AGO2: variants seen among roughly 807,000 people sequenced by gnomAD.
AGO2 encodes argonaute RISC catalytic component 2.
Under a neutral mutation model 102.3 loss-of-function variants are expected in AGO2, and 5 were observed. That is an observed-to-expected ratio of 0.05 (90% CI 0.03 to 0.10). AGO2 has a LOEUF of 0.10. Among genes scored for constraint, AGO2 ranks in the 10% least tolerant of loss-of-function variants. The pLI is 1.00. For missense variants in AGO2, 541 were observed against 1,183.7 expected (o/e 0.46, Z 7.97); for synonymous variants, 449 against 473.1 (o/e 0.95, Z 0.66).
chr8:140,572,570 G>C (rs751166359), intron 3 of AGO2: 1 of 437,996 alleles, frequency 2.3e-6, no homozygotes, highest in African/African-American at 2.0e-5. Context: ...AAAGTTTGGT[G>C]GTTTCAGCAA....
intron 1 of AGO2, among the ~76,000 whole-genome samples, chr8:140,615,078 G>A (rs903324375): frequency 3.3e-5 from 5 of 152,038 alleles, no homozygotes; most frequent in African/African-American, 9.7e-5. Context: ...CATTTAAAAC[G>A]TTCCACTTTT....
chr8:140,598,947 C>T (rs4961274), intron 1 of AGO2, among the ~76,000 whole-genome samples: 45,400 of 152,090 alleles, frequency 0.3, 7,065 homozygotes, highest in Admixed American at 0.39. Flanking sequence ...ATGACAGAAA[C>T]GCGACAACAG....
chr8:140,608,155 C>G (rs938725), intron 1 of AGO2, among the ~76,000 whole-genome samples: 121,822 of 152,048 alleles, frequency 0.8, 49,084 homozygotes, highest in Admixed American at 0.84. Context: ...TCTGGAGAAA[C>G]CAAAGCTGTT....
At chr8:140,601,052 C>T (rs1411992703) in intron 1 of AGO2, among the ~76,000 whole-genome samples, 1 of 152,244 alleles carries the variant, frequency 6.6e-6, no homozygotes, top group Non-Finnish European at 1.5e-5. Context: ...CCTACCAGGG[C>T]CCCCTGTGTC....
At position 140,522,506 on chromosome 8, in the gene AGO2, C is replaced by T. The variant is rs926644355; in HGVS notation, c.*9538G>A. ...CGCCCAAATCACACTCTCCATCAGCCACACAGAAATCTCAGACTGGAGGGG... is the reference window on the plus strand; with the variant it reads ...CGCCCAAATCACACTCTCCATCAGCTACACAGAAATCTCAGACTGGAGGGG... On this transcript the variant is annotated 3_prime_UTR_variant, in exon 19 of 19. Transcript: ENST00000220592. The T allele has an allele frequency of 6.8e-6, 1 of 147,010 alleles. No homozygotes were observed. The highest frequency in any genetic ancestry group is 2.5e-5 in the African/African-American group (1 of 39,484). The allele number at this position is 147,010 out of a possible 1,614,324, so 9.1% of individuals were successfully genotyped here.
chr8:140,602,855 T>A lies in AGO2; in HGVS notation c.23-17544A>T, dbSNP rs1406611956. Among the ~76,000 whole-genome samples, 3 of 151,992 alleles carry A rather than the reference T, an allele frequency of 2.0e-5. No homozygotes were observed. The East Asian group carries it at 5.8e-4, about 29-fold the overall frequency. On this transcript the variant is annotated intron_variant, in intron 1 of 18. Transcript: ENST00000220592. ...ATCAAGCAGACAAAATATCCAGGAG[T>A]GTTTGCTTCTTTGATCAATTTCCTT...
chr8:140,609,314 C>T (rs1251223801), intron 1 of AGO2, among the ~76,000 whole-genome samples: 1 of 152,216 alleles, frequency 6.6e-6, no homozygotes, highest in Non-Finnish European at 1.5e-5. Context: ...ATGGGCATCA[C>T]ACCCGGCAGA....
At chr8:140,598,825 G>C (rs2073887279) in intron 1 of AGO2, among the ~76,000 whole-genome samples, 1 of 152,202 alleles carries the variant, frequency 6.6e-6, no homozygotes, top group Non-Finnish European at 1.5e-5. Flanking sequence ...CTTCTCCAAA[G>C]TTTTCAGGGC....
Position 140,550,411 on chromosome 8 carries a change from C to T in AGO2, c.1403+892G>A, listed in dbSNP as rs549907437. Among the ~76,000 whole-genome samples the T allele has an allele frequency of 3.9e-4, 60 of 152,360 alleles. No homozygotes were observed. In the South Asian group the frequency reaches 9.5e-3, roughly 24 times the overall value. On this transcript the variant is annotated intron_variant, in intron 11 of 18. Transcript: ENST00000220592. ...TGCTCCCAACACAGTCCCGCTGGGC[C>T]CGTACCTGGCACGGCTGTGCTGGCC...
At chr8:140,547,394 A>G (rs1336883944) in intron 13 of AGO2, 74 bp downstream of exon 13, 2 of 1,561,036 alleles carry the variant, frequency 1.3e-6, no homozygotes, top group African/African-American at 2.7e-5. Context: ...TGCCCCCTGC[A>G]TACTGCACCC....
intron 1 of AGO2, among the ~76,000 whole-genome samples, chr8:140,629,912 CGAGGG>C: frequency 2.1e-5 from 1 of 46,814 alleles, no homozygotes; most frequent in East Asian, 5.5e-4. Flanking sequence ...GGAGCGGAGG[CGAGGG>C]GAGGGGAGCG....
chr8:140,572,688 G>A (rs990226698), intron 3 of AGO2, 124 bp downstream of exon 3: 3 of 1,365,776 alleles, frequency 2.2e-6, no homozygotes, highest in Middle Eastern at 2.7e-4. Context: ...ATGTGGCAGT[G>A]AACTGCTCTC....
chr8:140,553,105 A>T (rs951117676), intron 10 of AGO2, among the ~76,000 whole-genome samples: 5 of 152,340 alleles, frequency 3.3e-5, no homozygotes, highest in Admixed American at 3.3e-4. Flanking sequence ...TAACAGAAGC[A>T]TTACACGCTC....
At chr8:140,633,207 T>C (rs2074363310) in intron 1 of AGO2, among the ~76,000 whole-genome samples, 1 of 152,204 alleles carries the variant, frequency 6.6e-6, no homozygotes, top group African/African-American at 2.4e-5. Context: ...GAATGTCTTA[T>C]AATTCTAAAT....
chr8:140,606,794 G>A lies in AGO2; in HGVS notation c.23-21483C>T, dbSNP rs545076141. ...TCTACTAAAAATACAAAAATTAGCC[G>A]GTCGTGGTGGCGTGTGCCTGTATTC... On this transcript the variant is annotated intron_variant, in intron 1 of 18. Transcript: ENST00000220592. Among the ~76,000 whole-genome samples, 133 of 151,050 alleles carry A rather than the reference G, an allele frequency of 8.8e-4. 1 individual carries two copies. The highest frequency in any genetic ancestry group is 3.0e-3 in the African/African-American group (123 of 41,042).
At chr8:140,634,106 G>C (rs968949385) in intron 1 of AGO2, among the ~76,000 whole-genome samples, 8 of 152,234 alleles carry the variant, frequency 5.3e-5, no homozygotes, top group Non-Finnish European at 1.0e-4. Flanking sequence ...CCTGCTCCAG[G>C]ACTGCGGCCC....
At chr8:140,599,038 G>A (rs541186853) in intron 1 of AGO2, among the ~76,000 whole-genome samples, 18 of 152,208 alleles carry the variant, frequency 1.2e-4, no homozygotes, top group Non-Finnish European at 2.2e-4. Context: ...CCTGCCCTCC[G>A]CAGCTCACAG....
At chr8:140,537,191 G>C (rs1456614098) in intron 16 of AGO2, among the ~76,000 whole-genome samples, 2 of 152,084 alleles carry the variant, frequency 1.3e-5, no homozygotes, top group African/African-American at 4.8e-5. Flanking sequence ...GAAAGCTCCC[G>C]AGACTTCCTT....
chr8:140,638,215 G>A (rs956508768), upstream of AGO2: 11 of 152,228 alleles, frequency 7.2e-5, no homozygotes, highest in African/African-American at 2.4e-4. Context: ...CAAAGCCCTC[G>A]GCTTTGGGGG....
Sources: gnomAD v4.1 joint callset for allele counts (sites outside exome capture counted in the v4.1 genomes callset) on GRCh38, gnomAD v4.1.1 for gene constraint, MANE v1.5 for transcripts, NCBI Gene and HGNC (gene_info 2026-07-23, HGNC 2026-07-21) for gene names.